Variants in NCOA7 observed in about 807,000 individuals in gnomAD.
NCOA7 encodes the protein nuclear receptor coactivator 7.
Under a neutral mutation model 104.3 loss-of-function variants are expected in NCOA7, and 45 were observed. The ratio of observed to expected loss-of-function variants is 0.43; its 90% CI spans 0.34 to 0.55. The LOEUF is 0.55. NCOA7 is among the 20% of genes least tolerant of loss of function. NCOA7 has a pLI of 0.02. For missense variants in NCOA7, 1,041 were observed against 1,119.7 expected (o/e 0.93, Z 1.00); for synonymous variants, 398 against 402.3 (o/e 0.99, Z 0.13).
At chr6:125,807,022 A>G (rs2128559870) in intron 1 of NCOA7, among the ~76,000 whole-genome samples, 1 of 152,162 alleles carries the variant, frequency 6.6e-6, no homozygotes, top group African/African-American at 2.4e-5. Context: ...GTGCCCTGTC[A>G]CTCTTGAAGA....
intron 3 of NCOA7, 55 bp from the exon 4 acceptor site, chr6:125,874,834 C>A: frequency 7.1e-7 from 1 of 1,411,576 alleles, no homozygotes; most frequent in South Asian, 1.2e-5. Flanking sequence ...TAGTTTTACC[C>A]TGGCTTCAGT....
upstream of NCOA7, among the ~76,000 whole-genome samples, chr6:125,789,767 C>T (rs1774658630): frequency 6.6e-6 from 1 of 152,234 alleles, no homozygotes; most frequent in Admixed American, 6.5e-5. Flanking sequence ...GCTCCGCCTT[C>T]CAGAGAGGTT....
chr6:125,870,820 G>A (rs1057165430), intron 3 of NCOA7, among the ~76,000 whole-genome samples: 1 of 152,156 alleles, frequency 6.6e-6, no homozygotes, highest in African/African-American at 2.4e-5. Context: ...AAGGGAGGTG[G>A]CAGGACTTAT....
chr6:125,928,593 A>T, intron 15 of NCOA7, 43 bp from the exon 16 acceptor site: 7 of 1,577,306 alleles, frequency 4.4e-6, no homozygotes, highest in Non-Finnish European at 5.1e-6. Context: ...GTCATGTAAC[A>T]TAGAAGTGTT....
intron 10 of NCOA7, among the ~76,000 whole-genome samples, chr6:125,908,347 G>T (rs1001641120): frequency 6.6e-6 from 1 of 152,154 alleles, no homozygotes; most frequent in Non-Finnish European, 1.5e-5. Context: ...GTGGCAGGGG[G>T]CTTGATCTAA....
Position 125,796,277 on chromosome 6 carries a change from T to TA in NCOA7, c.-65+5219dup, listed in dbSNP as rs939032865. Reference sequence around the variant, plus strand: ...GATTTTGGATAGCATGTAAGATTGATAAAAAAAAATTAGGGTTGAAGATTT... The same window carrying TA: ...GATTTTGGATAGCATGTAAGATTGATAAAAAAAAAATTAGGGTTGAAGATTT... On this transcript the variant is annotated intron_variant, in intron 1 of 15. Transcript: ENST00000392477. 1.5e-4 allele frequency among the ~76,000 whole-genome samples: 23 copies of TA among 151,152 alleles called. 1 individual carries two copies. The highest frequency in any genetic ancestry group is 1.3e-3 in the Admixed American group (19 of 15,182).
chr6:125,807,886 G>T (rs1433857921), intron 1 of NCOA7, among the ~76,000 whole-genome samples: 1 of 152,196 alleles, frequency 6.6e-6, no homozygotes, highest in African/African-American at 2.4e-5. Flanking sequence ...CAGTGATTCA[G>T]TGATTTCCTT....
At chr6:125,902,532 T>C (rs537405353) in intron 10 of NCOA7, among the ~76,000 whole-genome samples, 5 of 152,070 alleles carry the variant, frequency 3.3e-5, no homozygotes, top group Admixed American at 3.3e-4. Flanking sequence ...GTAAATTAAA[T>C]CCTACCGTAA....
rs111841008 is a variant in NCOA7 at position 125,826,839 on chromosome 6, G to T, written c.50+11435G>T. ...GGAGTCTGGGAAGTCCAAGAGCATG[G>T]TGCCAGCATCTGACAAGGGCCTGCA... On this transcript the variant is annotated intron_variant, in intron 2 of 15. Transcript: ENST00000392477. 5.7e-3 allele frequency among the ~76,000 whole-genome samples: 866 copies of T among 152,240 alleles called. 9 individuals carry two copies. Among genetic ancestry groups the T allele is most frequent in the African/African-American group, 0.019 (802 of 41,546 alleles).
At chr6:125,844,693 A>G (rs1038843833) in intron 2 of NCOA7, among the ~76,000 whole-genome samples, 10 of 152,226 alleles carry the variant, frequency 6.6e-5, no homozygotes, top group Non-Finnish European at 1.5e-4. Context: ...GACTAAATTC[A>G]TAGAGTTAAA....
At chr6:125,826,190 G>T (rs1230535795) in intron 2 of NCOA7, among the ~76,000 whole-genome samples, 1 of 152,082 alleles carries the variant, frequency 6.6e-6, no homozygotes, top group Non-Finnish European at 1.5e-5. Context: ...AGCCAGGCGT[G>T]GCAGTGTGTG....
chr6:125,901,866 G>C (rs895920926), intron 10 of NCOA7, among the ~76,000 whole-genome samples: 1 of 152,160 alleles, frequency 6.6e-6, no homozygotes, highest in African/African-American at 2.4e-5. Flanking sequence ...GAGCTGGAAA[G>C]GAGATGGAGT....
intron 11 of NCOA7, chr6:125,919,545 AC>A: frequency 1.9e-6 from 2 of 1,029,470 alleles, no homozygotes; most frequent in Non-Finnish European, 1.4e-6. Context: ...TGACATTTCT[AC>A]CAGCAGGTGT....
At chr6:125,925,478 A>G (rs112778823) in intron 13 of NCOA7, among the ~76,000 whole-genome samples, 129 of 152,330 alleles carry the variant, frequency 8.5e-4, no homozygotes, top group Non-Finnish European at 1.5e-3. Context: ...AATAATTTAC[A>G]CCACCAGGCA....
upstream of NCOA7, among the ~76,000 whole-genome samples, chr6:125,790,463 T>A (rs1019004374): frequency 2.0e-5 from 3 of 152,156 alleles, no homozygotes; most frequent in Non-Finnish European, 4.4e-5. Context: ...GGCCGAGGCC[T>A]GCGGAGGCCG....
In NCOA7 at chr6:125,902,879, G is replaced by T. The variant is rs116702308; in HGVS notation, c.2096+12069G>T. 1.7e-3 allele frequency among the ~76,000 whole-genome samples: 261 copies of T among 152,266 alleles called. 2 individuals carry two copies. The highest frequency in any genetic ancestry group is 6.2e-3 in the African/African-American group (256 of 41,544). ...CATCTGTTTCTCATGCATTAAATAG[G>T]AATGATCATAATAGTGCCTACCTCA... On this transcript the variant is annotated intron_variant, in intron 10 of 15. Transcript: ENST00000392477.
rs946433931 is a variant in NCOA7, at chr6:125,864,694, A to G, written c.271+9454A>G. Among the ~76,000 whole-genome samples the G allele has an allele frequency of 8.8e-5, 12 of 137,106 alleles. 3 individuals are homozygous for G. The highest frequency in any genetic ancestry group is 3.1e-4 in the African/African-American group (10 of 32,538). The allele number at this position is 137,106 out of a possible 152,430, so 89.9% of individuals were successfully genotyped here. A position where few individuals can be genotyped will look rare whatever the true frequency, so the allele number is the denominator to read the frequency against. On this transcript the variant is annotated intron_variant, in intron 3 of 15. Transcript: ENST00000392477. The stretch of plus-strand genomic sequence containing the variant: ...CGCTATCTACGAGCCAGGATGAGGG[A>G]AAAATACGCCGAGTTTGCCAGTGTC...
At chr6:125,829,910 T>C (rs1779013394) in intron 2 of NCOA7, among the ~76,000 whole-genome samples, 1 of 152,222 alleles carries the variant, frequency 6.6e-6, no homozygotes, top group Non-Finnish European at 1.5e-5. Flanking sequence ...ACCTCCTTAA[T>C]ACAGGCATCA....
At chr6:125,819,915 T>C (rs1778008442) in intron 2 of NCOA7, among the ~76,000 whole-genome samples, 1 of 152,214 alleles carries the variant, frequency 6.6e-6, no homozygotes, top group African/African-American at 2.4e-5. Context: ...ATTGAAGATA[T>C]CCAAAATACA....
Sources: gnomAD v4.1 joint callset for allele counts (sites outside exome capture counted in the v4.1 genomes callset) on GRCh38, gnomAD v4.1.1 for gene constraint, MANE v1.5 for transcripts, NCBI Gene and HGNC (gene_info 2026-07-23, HGNC 2026-07-21) for gene names.